Variants in PRSS55 observed in about 807,000 individuals in gnomAD.
PRSS55 encodes the protein serine protease 55.
Under a neutral mutation model 23.6 loss-of-function variants are expected in PRSS55, and 41 were observed. That is an observed-to-expected ratio of 1.74 (90% CI 1.35 to 2.26). The LOEUF (loss-of-function observed/expected upper bound fraction) is 2.26. Among genes scored for constraint, PRSS55 ranks in the 30% most tolerant of loss-of-function variants. The pLI, the probability that PRSS55 is intolerant of heterozygous loss-of-function variation, is 0.00. For missense variants in PRSS55, 669 were observed against 439.1 expected (o/e 1.52, Z -4.68); for synonymous variants, 262 against 175.5 (o/e 1.49, Z -3.90).
At chr8:10,552,477 G>C (rs1367963339) in intron 4 of PRSS55, among the ~76,000 whole-genome samples, 1 of 152,088 alleles carries the variant, frequency 6.6e-6, no homozygotes, top group African/African-American at 2.4e-5. Flanking sequence ...AATTAGCAGA[G>C]TAAAGAGACA....
Position 10,538,742 on chromosome 8 carries a change from G to A in PRSS55, c.1008G>A (p.Trp336Ter). ...GVPEPGSPRS[W>*]LLLCPLSHVL... ...CAGAGCCAGGCAGCCCCAGATCCTG[G>A]CTCCTGCTCTGTCCCCTGTCCCATG... The change falls in exon 5 of 5, where the codon TGG becomes TGA. Residue 336 changes from tryptophan (W) to a stop codon, truncating the protein, a stop_gained. Transcript: ENST00000328655. LOFTEE classifies it low-confidence loss of function (END_TRUNC). 1 of 1,611,706 alleles carries A rather than the reference G, an allele frequency of 6.2e-7. No homozygotes were observed.
downstream of PRSS55, among the ~76,000 whole-genome samples, chr8:10,542,419 G>GGGAATAA (rs60800512): frequency 1.5e-5 from 2 of 133,522 alleles, no homozygotes; most frequent in East Asian, 2.1e-4. Context: ...CCATGCGGGG[G>GGGAATAA]AAAAAAAAAA....
chr8:10,529,385 C>T, intron 1 of PRSS55, 122 bp from the exon 2 acceptor site: 1 of 1,007,706 alleles, frequency 9.9e-7, no homozygotes, highest in South Asian at 1.3e-5. Context: ...GTGAGCTCCT[C>T]TCTAGAATGG....
intron 4 of PRSS55, among the ~76,000 whole-genome samples, chr8:10,551,853 C>A (rs936128089): frequency 1.4e-4 from 21 of 152,232 alleles, no homozygotes; most frequent in African/African-American, 5.1e-4. Flanking sequence ...TGCTTTCCAT[C>A]TGCCCATTTA....
Position 10,525,711 on chromosome 8 carries a change from GCCCCCTCATC to G in PRSS55, c.132_141del (p.His45AlafsTer36), listed in dbSNP as rs1811994424. 1 of 1,611,624 alleles carries G rather than the reference GCCCCCTCATC, an allele frequency of 6.2e-7. No homozygotes were observed. Among genetic ancestry groups the G allele is most frequent in the Admixed American group, 1.7e-5 (1 of 59,606 alleles). Reference sequence around the variant, plus strand: ...GGGCTAGGGGAGCCCACCGCCCTCAGCCCCCTCATCCCCCCAGCCCAGTCAGTGGTGAGTA... The same window carrying G: ...GGGCTAGGGGAGCCCACCGCCCTCAGCCCCCAGCCCAGTCAGTGGTGAGTA... On this transcript the variant is annotated frameshift_variant, in exon 1 of 5. Coordinates refer to ENST00000328655, the MANE Select transcript of PRSS55 (RefSeq NM_198464.4). LOFTEE classifies it high-confidence loss of function.
In PRSS55 at chr8:10,537,004, G is replaced by T. The variant is rs527985502; in HGVS notation, c.742-1472G>T. 2.6e-5 allele frequency among the ~76,000 whole-genome samples: 4 copies of T among 152,248 alleles called. No individual in the cohort carries two copies. The East Asian group carries it at 5.8e-4, about 22-fold the overall frequency. ...TTACTCACATAACAAATCTGCTCAT[G>T]TACCCTATGAACGTAAAATAAAAGT... is the stretch of plus-strand genomic sequence containing the variant. On this transcript the variant is annotated intron_variant, in intron 4 of 4. Coordinates refer to ENST00000328655, the MANE Select transcript of PRSS55 (RefSeq NM_198464.4).
intron 4 of PRSS55, among the ~76,000 whole-genome samples, chr8:10,553,316 C>CT (rs952847480): frequency 6.6e-6 from 1 of 152,200 alleles, no homozygotes; most frequent in African/African-American, 2.4e-5. Context: ...AATTAAACCT[C>CT]TTTTTTTAAT....
intron 4 of PRSS55, 54 bp from the exon 5 acceptor site, chr8:10,538,422 C>T: frequency 3.6e-6 from 5 of 1,378,434 alleles, no homozygotes; most frequent in Non-Finnish European, 2.0e-6. Flanking sequence ...TGCCCAGCCT[C>T]AGATGGGCAG....
Position 10,528,504 on chromosome 8 carries a change from C to T in PRSS55, c.155-1003C>T, listed in dbSNP as rs760909633. Among the ~76,000 whole-genome samples the T allele has an allele frequency of 6.6e-5, 10 of 152,354 alleles. No individual in the cohort carries two copies. In the South Asian group the frequency reaches 8.3e-4, roughly 13 times the overall value. ...CACGGAGCATCTCCTCTTCCTGGGG[C>T]GAGGAGCTGGACCCGGCCTCTGTCC... On this transcript the variant is annotated intron_variant, in intron 1 of 4. Transcript: ENST00000328655.
intron 4 of PRSS55, chr8:10,553,928 ATTT>A (rs35201635): frequency 7.0e-7 from 1 of 1,425,918 alleles, no homozygotes; most frequent in African/African-American, 1.5e-5. Context: ...TGTCAATTTA[ATTT>A]TTTTTTTAAA....
Position 10,538,612 on chromosome 8 carries a change from T to C in PRSS55, c.878T>C (p.Leu293Pro), listed in dbSNP as rs753689153. The change falls in exon 5 of 5, where the codon CTC (leucine) becomes CCC (proline). Residue 293 changes from leucine (L) to proline (P), a missense_variant. Coordinates refer to ENST00000328655, the MANE Select transcript of PRSS55 (RefSeq NM_198464.4). ...TACACCTCGTTGGTGAACTACAACCTCTGGATCGAGAAAGTGACCCAGCTA... is the reference window on the plus strand; with the variant it reads ...TACACCTCGTTGGTGAACTACAACCCCTGGATCGAGAAAGTGACCCAGCTA... Reference protein sequence around the residue: ...GIYTSLVNYNLWIEKVTQLEG... With the variant: ...GIYTSLVNYNPWIEKVTQLEG... The C allele has an allele frequency of 7.4e-6, 12 of 1,614,056 alleles. No individual in the cohort carries two copies. The highest frequency in any genetic ancestry group is 1.6e-4 in the Middle Eastern group (1 of 6,062).
At chr8:10,536,787 T>C (rs555660694) in intron 4 of PRSS55, among the ~76,000 whole-genome samples, 1 of 152,238 alleles carries the variant, frequency 6.6e-6, no homozygotes, top group Non-Finnish European at 1.5e-5. Flanking sequence ...TATCGCATGT[T>C]CTCACTTATA....
chr8:10,533,096 G>C (rs1367833959), intron 4 of PRSS55, 48 bp downstream of exon 4: 1 of 1,596,174 alleles, frequency 6.3e-7, no homozygotes, highest in Non-Finnish European at 8.6e-7. Context: ...CACCCTCTGG[G>C]AACTGCCAGT....
At chr8:10,546,726 C>T (rs1812827706) in intron 4 of PRSS55, among the ~76,000 whole-genome samples, 1 of 152,146 alleles carries the variant, frequency 6.6e-6, no homozygotes, top group East Asian at 1.9e-4. Flanking sequence ...CTCTGTTGCT[C>T]AGGCAGAAGT....
At chr8:10,552,677 T>A (rs1812975950) in intron 4 of PRSS55, among the ~76,000 whole-genome samples, 1 of 152,150 alleles carries the variant, frequency 6.6e-6, no homozygotes, top group South Asian at 2.1e-4. Context: ...CTTCTCAACA[T>A]CACTAATCAT....
In PRSS55 at chr8:10,554,008, TCA is replaced by T. The variant is rs770379100; in HGVS notation, c.811_812del (p.Thr271LeufsTer27). 3.3e-6 allele frequency: 5 copies of T among 1,531,338 alleles called. No individual in the cohort carries two copies. In the South Asian group the frequency reaches 6.1e-5, roughly 19 times the overall value. The allele number at this position is 1,531,338 out of a possible 1,614,324, so 94.9% of individuals were successfully genotyped here. A position where few individuals can be genotyped will look rare whatever the true frequency, so the allele number is the denominator to read the frequency against. On this transcript the variant is annotated frameshift_variant, in exon 5 of 5. Transcript: ENST00000522210. LOFTEE classifies it high-confidence loss of function. ...GCTCTCAAACAAAGCCGCCTGGGTC[TCA>T]CACCTTTCATCTGCAAAACTGATGC...
At chr8:10,548,680 G>A (rs1291323601) in intron 4 of PRSS55, among the ~76,000 whole-genome samples, 1 of 152,214 alleles carries the variant, frequency 6.6e-6, no homozygotes, top group Non-Finnish European at 1.5e-5. Flanking sequence ...TGGGACAGAA[G>A]CCCAGGCACA....
rs974594504 is a variant in PRSS55, at chr8:10,538,777, G to C, written c.1043G>C (p.Arg348Thr). 2.5e-6 allele frequency: 4 copies of C among 1,581,552 alleles called. No individual in the cohort carries two copies. The highest frequency in any genetic ancestry group is 3.4e-6 in the Non-Finnish European group (4 of 1,167,012). Residue 348 changes from arginine (R) to threonine (T), a missense_variant, in exon 5 of 5, where the codon AGA becomes ACA. Transcript: ENST00000328655. ...TGTCCCCTGTCCCATGTGTTGTTCA[G>C]AGCTATTTTGTACTGATAATAAAAT... is the stretch of plus-strand genomic sequence containing the variant. The part of the protein sequence containing the change: ...LLCPLSHVLF[R>T]AILY
intron 4 of PRSS55, among the ~76,000 whole-genome samples, chr8:10,547,899 A>G (rs1283405281): frequency 1.3e-5 from 2 of 152,098 alleles, no homozygotes; most frequent in East Asian, 3.9e-4. Flanking sequence ...CTAGGGGAAC[A>G]GACACCGTAA....
Sources: allele counts gnomAD v4.1 joint callset (sites outside exome capture counted in the v4.1 genomes callset), GRCh38; gene constraint gnomAD v4.1.1; transcripts MANE v1.5; gene names NCBI Gene and HGNC (gene_info 2026-07-23, HGNC 2026-07-21).